The following VWA3A variants were observed in gnomAD, a reference collection of about 807,000 sequenced individuals.
The protein encoded by VWA3A is von Willebrand factor A domain-containing protein 3A.
A neutral mutation model predicts 160.4 loss-of-function variants in VWA3A; 134 were observed. The ratio of observed to expected loss-of-function variants is 0.84; its 90% CI spans 0.73 to 0.96. The LOEUF (loss-of-function observed/expected upper bound fraction) is 0.96. VWA3A is among the 40% of genes least tolerant of loss of function. VWA3A has a pLI of 0.00. For missense variants in VWA3A, 1,310 were observed against 1,447.9 expected, an observed-to-expected ratio of 0.90 and a Z score of 1.55; for synonymous variants, 476 against 543.4, an observed-to-expected ratio of 0.88 and a Z score of 1.72.
chr16:22,133,504 C>T (rs954017431), intron 20 of VWA3A, among the ~76,000 whole-genome samples: 2 of 151,728 alleles, frequency 1.3e-5, no homozygotes, highest in African/African-American at 2.4e-5. Context: ...AAAAATTAGC[C>T]GGGTGTGATG....
At chr16:22,129,402 A>AAAGAAAGAAAG (rs2045909179) in intron 17 of VWA3A, among the ~76,000 whole-genome samples, 7 of 118,974 alleles carry the variant, frequency 5.9e-5, no homozygotes, top group African/African-American at 2.8e-4. Flanking sequence ...AAAAAAAAAA[A>AAAGAAAGAAAG]AAAGAAAGAA....
rs1218509486 is a variant in VWA3A, at chr16:22,097,661, TG to T, written c.193del (p.Val65LeufsTer11). ...GGGCAAAATTCGGACAATGGATTATTGGTTACACATGTTAACCAGACACAGG... is the reference window on the plus strand; with the variant it reads ...GGGCAAAATTCGGACAATGGATTATTGTTACACATGTTAACCAGACACAGG... ...GLGQNSDNGL[L>X]VTHVNQTQDL... On this transcript the variant is annotated frameshift_variant, in exon 3 of 34. Transcript: ENST00000389398. LOFTEE classifies it high-confidence loss of function. The T allele has an allele frequency of 1.3e-6, 2 of 1,551,776 alleles. No individual in the cohort carries two copies. Among genetic ancestry groups the T allele is most frequent in the Non-Finnish European group, 1.7e-6 (2 of 1,146,976 alleles).
chr16:22,152,782 C>T (rs2142034113), intron 31 of VWA3A, 148 bp downstream of exon 31: 2 of 1,196,054 alleles, frequency 1.7e-6, no homozygotes, highest in Non-Finnish European at 1.1e-6. Context: ...GCATGAGCCA[C>T]CACGCCCATC....
chr16:22,122,077 G>C (rs2045745052), intron 14 of VWA3A, among the ~76,000 whole-genome samples: 1 of 152,200 alleles, frequency 6.6e-6, no homozygotes, highest in Non-Finnish European at 1.5e-5. Flanking sequence ...GGATGGCTGA[G>C]AAGGTAGTTG....
chr16:22,153,668 G>A (rs2046387458), intron 31 of VWA3A, among the ~76,000 whole-genome samples: 1 of 151,504 alleles, frequency 6.6e-6, no homozygotes, highest in Non-Finnish European at 1.5e-5. Flanking sequence ...AAATTATCAA[G>A]TAAGACAACC....
At chr16:22,141,152 G>A in intron 23 of VWA3A, 1 of 457,534 alleles carries the variant, frequency 2.2e-6, no homozygotes, top group East Asian at 6.9e-5. Context: ...CTTAATGAAA[G>A]TACTCAGCTC....
chr16:22,132,051 C>T (rs2045958629), intron 19 of VWA3A, among the ~76,000 whole-genome samples: 1 of 152,006 alleles, frequency 6.6e-6, no homozygotes, highest in Admixed American at 6.6e-5. Context: ...GACAACATAG[C>T]AACAAGACCC....
Position 22,115,916 on chromosome 16 carries a change from A to C in VWA3A, c.815+444A>C, listed in dbSNP as rs1482325299. ...AAGGAAGGAAGGAAGGAAGGAAGGA[A>C]GGAAGGAAAGGAAAGGAAAGGAAGG... is the stretch of plus-strand genomic sequence containing the variant. On this transcript the variant is annotated intron_variant, in intron 9 of 33. Coordinates refer to ENST00000389398, the MANE Select transcript of VWA3A (RefSeq NM_173615.5). 4.3e-4 allele frequency among the ~76,000 whole-genome samples: 13 copies of C among 29,902 alleles called. 1 individual carries two copies. The highest frequency in any genetic ancestry group is 8.8e-4 in the African/African-American group (1 of 1,132). The allele number at this position is 29,902 out of a possible 152,430, so 19.6% of individuals were successfully genotyped here.
chr16:22,111,326 CT>C (rs545517477), intron 8 of VWA3A, among the ~76,000 whole-genome samples: 4 of 148,980 alleles, frequency 2.7e-5, no homozygotes, highest in African/African-American at 4.9e-5. Flanking sequence ...GAGTCTCCCT[CT>C]TTTTTTTTTC....
At chr16:22,095,512 T>A (rs574719600) in intron 1 of VWA3A, among the ~76,000 whole-genome samples, 8 of 152,264 alleles carry the variant, frequency 5.3e-5, no homozygotes, top group African/African-American at 1.9e-4. Context: ...TGATCAGTTT[T>A]AAGCAGGAGG....
intron 31 of VWA3A, among the ~76,000 whole-genome samples, chr16:22,154,881 G>A (rs2046411673): frequency 6.8e-6 from 1 of 147,804 alleles, no homozygotes; most frequent in South Asian, 2.1e-4. Flanking sequence ...GTGAACCCGG[G>A]AAGCGGAGCT....
intron 13 of VWA3A, 56 bp from the exon 14 acceptor site, chr16:22,121,458 C>A: frequency 7.1e-7 from 1 of 1,399,994 alleles, no homozygotes; most frequent in Non-Finnish European, 1.0e-6. Flanking sequence ...AAATAAAAGG[C>A]TTGAACCCTT....
intron 31 of VWA3A, among the ~76,000 whole-genome samples, chr16:22,155,110 C>T (rs1215420983): frequency 2.0e-5 from 3 of 151,850 alleles, no homozygotes; most frequent in Non-Finnish European, 4.4e-5. Context: ...GCCGTGATCA[C>T]GCCACTGCCC....
In VWA3A at chr16:22,149,313, C is replaced by T. The variant is rs530008038; in HGVS notation, c.2985-474C>T. 3.3e-5 allele frequency among the ~76,000 whole-genome samples: 5 copies of T among 152,234 alleles called. No individual in the cohort carries two copies. The South Asian group carries it at 6.2e-4, about 19-fold the overall frequency. On this transcript the variant is annotated intron_variant, in intron 28 of 33. Coordinates refer to ENST00000389398, the MANE Select transcript of VWA3A (RefSeq NM_173615.5). ...GGAGTGCAGTGGTGTGATCATAGCT[C>T]GCTGCAGCCTCAACGTCCTGGGCTC...
chr16:22,110,818 G>A (rs946384664), intron 7 of VWA3A, 70 bp from the exon 8 acceptor site: 178 of 1,450,732 alleles, frequency 1.2e-4, no homozygotes, highest in Non-Finnish European at 1.6e-4. Flanking sequence ...GCCAGCAAAG[G>A]CCAGAGAGGC....
chr16:22,100,425 C>T lies in VWA3A; in HGVS notation c.360C>T (p.Gly120=), dbSNP rs1317978922. 1.3e-6 allele frequency: 2 copies of T among 1,551,678 alleles called. No homozygotes were observed. Among genetic ancestry groups the T allele is most frequent in the Admixed American group, 2.0e-5 (1 of 50,998 alleles). The change falls in exon 5 of 34, where the codon GGC becomes GGT. Residue 120 remains glycine (G), a synonymous_variant. Transcript: ENST00000389398. ...ISQGTEVLEE[G]TNVVQKICFS... Reference sequence around the variant, plus strand: ...GGCTTTGCTTCTTCAGGGAGGAGGGCACCAATGTCGTGCAGAAAATATGTT... The same window carrying T: ...GGCTTTGCTTCTTCAGGGAGGAGGGTACCAATGTCGTGCAGAAAATATGTT...
At chr16:22,134,522 C>CAG in intron 21 of VWA3A, 84 bp downstream of exon 21, 2 of 1,199,394 alleles carry the variant, frequency 1.7e-6, no homozygotes, top group Non-Finnish European at 2.3e-6. Flanking sequence ...AACTGGGTGG[C>CAG]TTAAAATAAC....
chr16:22,155,684 T>C lies in VWA3A; in HGVS notation c.3503+20T>C. On this transcript the variant is annotated intron_variant, in intron 32 of 33. Coordinates refer to ENST00000389398, the MANE Select transcript of VWA3A (RefSeq NM_173615.5). ...CTTCAGGTATGCCCTTCACGCAGCCTCTCCGGCCTGCCATGTGGCTACAGC... is the reference window on the plus strand; with the variant it reads ...CTTCAGGTATGCCCTTCACGCAGCCCCTCCGGCCTGCCATGTGGCTACAGC... The C allele has an allele frequency of 6.2e-7, 1 of 1,612,142 alleles. No homozygotes were observed. Among genetic ancestry groups the C allele is most frequent in the Middle Eastern group, 1.7e-4 (1 of 5,952 alleles).
chr16:22,097,515 G>T, intron 2 of VWA3A, 57 bp from the exon 3 acceptor site: 4 of 1,540,936 alleles, frequency 2.6e-6, no homozygotes, highest in Non-Finnish European at 3.5e-6. Context: ...AGGCACTGGG[G>T]GTATCAAACC....
Sources: gnomAD v4.1 joint callset for allele counts (sites outside exome capture counted in the v4.1 genomes callset) on GRCh38, gnomAD v4.1.1 for gene constraint, MANE v1.5 for transcripts, NCBI Gene and HGNC (gene_info 2026-07-23, HGNC 2026-07-21) for gene names.